FEZ2: variants seen among roughly 807,000 people sequenced by gnomAD.
FEZ2 encodes fasciculation and elongation protein zeta-2.
A neutral mutation model predicts 40.4 loss-of-function variants in FEZ2; 51 were observed. The ratio of observed to expected loss-of-function variants is 1.26; its 90% CI spans 1.01 to 1.59. The LOEUF is 1.59. FEZ2 is among the 40% of genes most tolerant of loss of function. The probability of loss-of-function intolerance (pLI) is 0.00; values close to 1 mark genes in which losing one functional copy is unlikely to be tolerated. For synonymous variants in FEZ2, 242 were observed against 172.0 expected (o/e 1.41, Z -3.18); for missense variants, 640 against 438.3 (o/e 1.46, Z -4.11).
chr2:36,560,759 T>TG, intron 5 of FEZ2: 1 of 1,453,894 alleles, frequency 6.9e-7, no homozygotes. Flanking sequence ...AAGCAGAGAA[T>TG]GAGGAAAATA....
intron 5 of FEZ2, among the ~76,000 whole-genome samples, chr2:36,566,345 A>AG (rs948148594): frequency 6.6e-6 from 1 of 152,084 alleles, no homozygotes; most frequent in Non-Finnish European, 1.5e-5. Context: ...GTCTCAAAAA[A>AG]AAAAAAAAGT....
At chr2:36,583,592 A>T (rs1668820238) in intron 2 of FEZ2, 123 bp from the exon 3 acceptor site, 1 of 624,218 alleles carries the variant, frequency 1.6e-6, no homozygotes, top group Admixed American at 2.7e-5. Flanking sequence ...AGAGGGAGAA[A>T]TTATTACAAT....
intron 5 of FEZ2, among the ~76,000 whole-genome samples, chr2:36,566,712 GA>G (rs750663384): frequency 1.3e-5 from 2 of 152,178 alleles, no homozygotes; most frequent in Non-Finnish European, 2.9e-5. Flanking sequence ...AACTTGGACA[GA>G]AAAGTGCTGA....
chr2:36,593,227 A>G (rs200440007), intron 1 of FEZ2, among the ~76,000 whole-genome samples: 6 of 152,158 alleles, frequency 3.9e-5, no homozygotes, highest in Non-Finnish European at 5.9e-5. Flanking sequence ...CACTTCTTAC[A>G]TGGTGGCAGC....
chr2:36,578,754 A>G lies in FEZ2; in HGVS notation c.746T>C (p.Leu249Pro). Reference protein sequence around the residue: ...LVQQLALRDELEFEKEVKNSF... With the variant: ...LVQQLALRDEPEFEKEVKNSF... Reference sequence around the variant, plus strand: ...GTTTTTCACTTCCTTTTCAAACTCCAGTTCATCTCGTAAAGCCAACTGCTG... The same window carrying G: ...GTTTTTCACTTCCTTTTCAAACTCCGGTTCATCTCGTAAAGCCAACTGCTG... Residue 249 changes from leucine to proline, a missense_variant, in exon 5 of 8, where the codon CTG becomes CCG. Coordinates refer to ENST00000405912, the MANE Select transcript of FEZ2 (RefSeq NM_005102.3). 1 of 1,613,796 alleles carries G rather than the reference A, an allele frequency of 6.2e-7. No individual in the cohort carries two copies. Among genetic ancestry groups the G allele is most frequent in the South Asian group, 1.1e-5 (1 of 91,072 alleles).
rs867189310 is a variant in FEZ2, at chr2:36,555,562, A to C, written c.1045+121T>G. 4.0e-5 allele frequency: 21 copies of C among 528,310 alleles called. No homozygotes were observed. The Middle Eastern group carries it at 4.7e-3, about 118-fold the overall frequency. The allele number at this position is 528,310 out of a possible 1,614,324, so 32.7% of individuals were successfully genotyped here. A position where few individuals can be genotyped will look rare whatever the true frequency, so the allele number is the denominator to read the frequency against. On this transcript the variant is annotated intron_variant, in intron 7 of 7. Transcript: ENST00000405912. ...GTCATGTAGCTAATCCTCACCCTGC[A>C]TAATAAGATTAATGAAAGTTGTGCA...
intron 1 of FEZ2, among the ~76,000 whole-genome samples, chr2:36,595,035 G>A (rs1051302571): frequency 1.3e-5 from 2 of 152,020 alleles, no homozygotes; most frequent in Non-Finnish European, 2.9e-5. Context: ...CGTAAACAAC[G>A]GTCAGGACAG....
chr2:36,560,010 T>C (rs1668051880), intron 5 of FEZ2, among the ~76,000 whole-genome samples: 3 of 152,236 alleles, frequency 2.0e-5, no homozygotes, highest in Non-Finnish European at 4.4e-5. Context: ...CTAAACTTCC[T>C]ACAAGCTACA....
At chr2:36,570,421 CTTAATA>C (rs1668375382) in intron 5 of FEZ2, among the ~76,000 whole-genome samples, 2 of 152,094 alleles carry the variant, frequency 1.3e-5, no homozygotes, top group Admixed American at 6.6e-5. Context: ...TTTTATGTAA[CTTAATA>C]TTAATGTGGA....
At chr2:36,578,384 A>G (rs924461923) in intron 5 of FEZ2, among the ~76,000 whole-genome samples, 1 of 152,168 alleles carries the variant, frequency 6.6e-6, no homozygotes, top group African/African-American at 2.4e-5. Context: ...TTTCAGTATT[A>G]TTCAGATAAC....
intron 4 of FEZ2, among the ~76,000 whole-genome samples, chr2:36,579,781 A>ACAATATTCCCTGAAACCCCATTT (rs1339842391): frequency 1.3e-5 from 2 of 152,218 alleles, no homozygotes; most frequent in Non-Finnish European, 2.9e-5. Context: ...ACAAAAGGGA[A>ACAATATTCCCTGAAACCCCATTT]CAATATTCCC....
chr2:36,582,062 T>C (rs1178498458), intron 3 of FEZ2, among the ~76,000 whole-genome samples: 3 of 152,070 alleles, frequency 2.0e-5, no homozygotes, highest in Non-Finnish European at 4.4e-5. Flanking sequence ...AGAAATACAT[T>C]TGACTTTAAA....
chr2:36,592,714 G>A (rs924493697), intron 1 of FEZ2, among the ~76,000 whole-genome samples: 9 of 152,108 alleles, frequency 5.9e-5, no homozygotes, highest in African/African-American at 2.2e-4. Context: ...CTTTTGGAGG[G>A]TAAGGCAGGA....
In FEZ2 at chr2:36,577,532, G is replaced by A. The variant is rs1036335737; in HGVS notation, c.903+1065C>T. 3.9e-5 allele frequency among the ~76,000 whole-genome samples: 6 copies of A among 152,134 alleles called. 1 individual carries two copies. In the South Asian group the frequency reaches 1.2e-3, roughly 32 times the overall value. On this transcript the variant is annotated intron_variant, in intron 5 of 7. Transcript: ENST00000405912. ...GCCTCCCAAAGTGCTGGGATTACAG[G>A]CGCGAGCCACCGTGCCCAGCCACGA...
At chr2:36,580,272 A>G (rs1183323891) in intron 4 of FEZ2, among the ~76,000 whole-genome samples, 2 of 152,216 alleles carry the variant, frequency 1.3e-5, no homozygotes. Context: ...AACATGGCCA[A>G]ATCAGACCAT....
In FEZ2 at chr2:36,598,042, GC is replaced by G; in HGVS notation, c.100del (p.Ala34ArgfsTer25). On this transcript the variant is annotated frameshift_variant, in exon 1 of 8. Coordinates refer to ENST00000405912, the MANE Select transcript of FEZ2 (RefSeq NM_005102.3). LOFTEE classifies it high-confidence loss of function. The part of the protein sequence containing the change: ...ENCNASPEPG[A>X]EAGAEAGGGA... ...CCCACCCGCCTCGGCCCCCGCCTCC[GC>G]CCCAGGCTCGGGGCTCGCGTTACAG... is the stretch of plus-strand genomic sequence containing the variant. 9.7e-7 allele frequency: 1 copy of G among 1,030,732 alleles called. No individual in the cohort carries two copies. Among genetic ancestry groups the G allele is most frequent in the African/African-American group, 2.8e-5 (1 of 35,470 alleles). The allele number at this position is 1,030,732 out of a possible 1,614,324, so 63.8% of individuals were successfully genotyped here.
chr2:36,563,647 A>G (rs567583138), intron 5 of FEZ2, among the ~76,000 whole-genome samples: 137 of 152,176 alleles, frequency 9.0e-4, no homozygotes, highest in African/African-American at 3.2e-3. Context: ...TGCATTTCCA[A>G]ACTCTCCCTC....
intron 1 of FEZ2, 112 bp from the exon 2 acceptor site, chr2:36,591,123 G>A: frequency 1.4e-6 from 1 of 696,904 alleles, no homozygotes; most frequent in Non-Finnish European, 2.5e-6. Context: ...GAGAAAAACA[G>A]ACAGCACATT....
At chr2:36,586,365 T>C (rs1399780696) in intron 2 of FEZ2, among the ~76,000 whole-genome samples, 1 of 152,222 alleles carries the variant, frequency 6.6e-6, no homozygotes, top group Non-Finnish European at 1.5e-5. Context: ...GTGGGCACAG[T>C]GGCTCATGCC....
Sources: gnomAD v4.1 joint callset for allele counts (sites outside exome capture counted in the v4.1 genomes callset) on GRCh38, gnomAD v4.1.1 for gene constraint, MANE v1.5 for transcripts, NCBI Gene and HGNC (gene_info 2026-07-23, HGNC 2026-07-21) for gene names.